The following ZKSCAN7 variants were observed in gnomAD, a reference collection of about 807,000 sequenced individuals.
The protein encoded by ZKSCAN7 is zinc finger with KRAB and SCAN domains 7.
In ZKSCAN7, 38 loss-of-function variants were observed where a neutral mutation model predicts 65.3. The observed-to-expected ratio is 0.58, with a 90% confidence interval of 0.45 to 0.76. ZKSCAN7 has a LOEUF of 0.76. Ranked by LOEUF, ZKSCAN7 falls within the 30% of genes least tolerant of loss-of-function variation. ZKSCAN7 has a pLI of 0.00. For synonymous variants in ZKSCAN7, 321 were observed against 321.0 expected (o/e 1.00, Z 0.00); for missense variants, 815 against 913.3 (o/e 0.89, Z 1.39).
At chr3:44,580,821 C>A in intron 5 of ZKSCAN7, 2 of 1,613,292 alleles carry the variant, frequency 1.2e-6, no homozygotes, top group Non-Finnish European at 1.7e-6. Context: ...CTGTCGCTGC[C>A]ATTTCGGAGA....
intron 5 of ZKSCAN7, chr3:44,582,893 T>C: frequency 2.4e-6 from 1 of 415,376 alleles, no homozygotes. Context: ...GCTCCCTTAA[T>C]GTACATGAAT....
downstream of ZKSCAN7, among the ~76,000 whole-genome samples, chr3:44,575,820 C>T (rs564558377): frequency 8.1e-4 from 124 of 152,230 alleles, no homozygotes; most frequent in African/African-American, 2.8e-3. Flanking sequence ...TCAGGTGATC[C>T]GCCCGCCTCG....
At chr3:44,573,441 T>G (rs1315593206), downstream of ZKSCAN7, among the ~76,000 whole-genome samples, 1 of 152,288 alleles carries the variant, frequency 6.6e-6, no homozygotes, top group East Asian at 1.9e-4. Context: ...AAAATAAGAT[T>G]AGATGTGATT....
chr3:44,571,745 T>C lies in ZKSCAN7; in HGVS notation c.*370T>C, dbSNP rs1310170586. 2.9e-6 allele frequency: 3 copies of C among 1,042,108 alleles called. No individual in the cohort carries two copies. The Admixed American group carries it at 1.5e-4, about 52-fold the overall frequency. 64.6% of individuals were successfully genotyped at this position (1,042,108 alleles called of 1,614,324 possible). A position where few individuals can be genotyped will look rare whatever the true frequency, so the allele number is the denominator to read the frequency against. Reference sequence around the variant, plus strand: ...CCTCCATTTCACCATTTATACAAAGTCATTCAAAAAGGCTGATTCATGCCT... The same window carrying C: ...CCTCCATTTCACCATTTATACAAAGCCATTCAAAAAGGCTGATTCATGCCT... On this transcript the variant is annotated 3_prime_UTR_variant, in exon 6 of 6. Transcript: ENST00000426540.
In ZKSCAN7 at chr3:44,570,981, G is replaced by T; in HGVS notation, c.1871G>T (p.Arg624Leu). The change falls in exon 6 of 6, where the codon CGG (arginine) becomes CTG (leucine). Residue 624 changes from arginine to leucine, a missense_variant. Coordinates refer to ENST00000426540, the MANE Select transcript of ZKSCAN7 (RefSeq NM_001288590.2). ...TTTGGTCTGAGTAAATGTCTTATTC[G>T]GCACCAGAGACTTCACACGGGTGAA... ...KAFGLSKCLI[R>L]HQRLHTGEKP... 1.2e-6 allele frequency: 2 copies of T among 1,614,074 alleles called. No homozygotes were observed. Among genetic ancestry groups the T allele is most frequent in the Non-Finnish European group, 1.7e-6 (2 of 1,180,024 alleles).
At chr3:44,581,737 G>A (rs927897087) in intron 5 of ZKSCAN7, among the ~76,000 whole-genome samples, 11 of 152,192 alleles carry the variant, frequency 7.2e-5, no homozygotes, top group African/African-American at 2.7e-4. Flanking sequence ...GGTGCTGGGA[G>A]TGGTATACTT....
chr3:44,580,929 A>C (rs1700062966), intron 5 of ZKSCAN7: 1 of 1,612,918 alleles, frequency 6.2e-7, no homozygotes, highest in Non-Finnish European at 8.5e-7. Context: ...GTCGTTGAGG[A>C]GATGCGACTC....
At chr3:44,559,019 T>C (rs1575356716) in intron 2 of ZKSCAN7, among the ~76,000 whole-genome samples, 1 of 152,114 alleles carries the variant, frequency 6.6e-6, no homozygotes, top group Middle Eastern at 3.4e-3. Flanking sequence ...TCAGATGATA[T>C]TCTTGCCTTG....
In ZKSCAN7 at chr3:44,567,964, C is replaced by T; in HGVS notation, c.645C>T (p.Asp215=). ...TTCCTCAAGTGGGGAACTCAGGAGACCAAGCAGGGGCAACTGTACTTCGGA... is the reference window on the plus strand; with the variant it reads ...TTCCTCAAGTGGGGAACTCAGGAGATCAAGCAGGGGCAACTGTACTTCGGA... ...PTLPQVGNSG[D]QAGATVLRMV... The change falls in exon 4 of 6, where the codon GAC becomes GAT. Residue 215 remains aspartate, a synonymous_variant. Transcript: ENST00000426540. 1 of 1,419,910 alleles carries T rather than the reference C, an allele frequency of 7.0e-7. No individual in the cohort carries two copies. The highest frequency in any genetic ancestry group is 1.4e-5 in the African/African-American group (1 of 69,144). 88.0% of individuals were successfully genotyped at this position (1,419,910 alleles called of 1,614,324 possible).
At chr3:44,557,590 G>T (rs1434264864) in intron 2 of ZKSCAN7, 120 bp downstream of exon 2, 2 of 1,416,070 alleles carry the variant, frequency 1.4e-6, no homozygotes, top group African/African-American at 2.9e-5. Context: ...TGCTGAACTT[G>T]TCCTGTGGAT....
At position 44,579,944 on chromosome 3, in the gene ZKSCAN7, G is replaced by C. The variant is rs539732613; in HGVS notation, c.812-3028G>C. 65 of 1,605,820 alleles carry C rather than the reference G, an allele frequency of 4.0e-5. No individual in the cohort carries two copies. The East Asian group carries it at 1.4e-3, about 34-fold the overall frequency. ...TGACTTGGCTCTTCGGTGTGGAGAC[G>C]GGGGAAGCCGAGGCGTCTGGGAGAG... On this transcript the variant is annotated intron_variant, in intron 5 of 5. Transcript: ENST00000341840.
intron 1 of ZKSCAN7, among the ~76,000 whole-genome samples, chr3:44,556,194 C>T (rs1055392343): frequency 2.0e-5 from 3 of 152,132 alleles, no homozygotes; most frequent in Non-Finnish European, 2.9e-5. Flanking sequence ...CTTTGGTGGC[C>T]GTGCAGCAGT....
At chr3:44,557,525 C>T in intron 2 of ZKSCAN7, 55 bp downstream of exon 2, 2 of 1,607,392 alleles carry the variant, frequency 1.2e-6, no homozygotes, top group South Asian at 1.1e-5. Context: ...CTTGGGTTAG[C>T]CTAGGAATAG....
At chr3:44,555,848 A>C (rs1433986540) in intron 1 of ZKSCAN7, among the ~76,000 whole-genome samples, 1 of 152,248 alleles carries the variant, frequency 6.6e-6, no homozygotes, top group Non-Finnish European at 1.5e-5. Context: ...TGCTGATTTT[A>C]AAACGTTCAA....
chr3:44,556,595 C>T (rs1246623607), intron 1 of ZKSCAN7, among the ~76,000 whole-genome samples: 1 of 152,206 alleles, frequency 6.6e-6, no homozygotes, highest in African/African-American at 2.4e-5. Context: ...TTCTCTTGCA[C>T]CCTTTGGGAT....
intron 5 of ZKSCAN7, chr3:44,580,110 G>C (rs1700033604): frequency 1.2e-6 from 2 of 1,607,858 alleles, no homozygotes; most frequent in Non-Finnish European, 1.7e-6. Flanking sequence ...AATGTCCAAG[G>C]CCTCAAACTT....
At chr3:44,566,077 A>G (rs947457973) in intron 3 of ZKSCAN7, among the ~76,000 whole-genome samples, 18 of 152,212 alleles carry the variant, frequency 1.2e-4, no homozygotes, top group Non-Finnish European at 2.6e-4. Context: ...AAGCAAGATC[A>G]TTGTGGGCTG....
chr3:44,562,224 A>C (rs1040491615), intron 2 of ZKSCAN7, among the ~76,000 whole-genome samples: 11 of 152,170 alleles, frequency 7.2e-5, no homozygotes, highest in African/African-American at 2.2e-4. Context: ...TGGGGCTTGC[A>C]CCCTCTGAGG....
chr3:44,582,591 T>C lies in ZKSCAN7; in HGVS notation c.812-381T>C, dbSNP rs116727119. Among the ~76,000 whole-genome samples the C allele has an allele frequency of 8.8e-3, 1,335 of 152,330 alleles. 22 individuals carry two copies. Among genetic ancestry groups the C allele is most frequent in the African/African-American group, 0.031 (1,277 of 41,574 alleles). ...ACACACAAAAAAACACCCTGATTTCTGAGCAGTGACATTATACTTGACTGA... is the reference window on the plus strand; with the variant it reads ...ACACACAAAAAAACACCCTGATTTCCGAGCAGTGACATTATACTTGACTGA... On this transcript the variant is annotated intron_variant, in intron 5 of 5. Coordinates refer to the ZKSCAN7 transcript ENST00000341840.
Sources: allele counts gnomAD v4.1 joint callset (sites outside exome capture counted in the v4.1 genomes callset), GRCh38; gene constraint gnomAD v4.1.1; transcripts MANE v1.5; gene names NCBI Gene and HGNC (gene_info 2026-07-23, HGNC 2026-07-21).